Variants in EDIL3 observed in about 807,000 individuals in gnomAD.
The protein encoded by EDIL3 is EGF like and discoidin domains 3, also known as EGF-like repeat and discoidin I-like domain-containing protein 3.
Under a neutral mutation model 67.4 loss-of-function variants are expected in EDIL3, and 37 were observed. The observed-to-expected ratio is 0.55, with a 90% CI of 0.42 to 0.72. The LOEUF (loss-of-function observed/expected upper bound fraction) is 0.72, where lower values mean the gene tolerates loss of function less well. Among genes scored for constraint, EDIL3 ranks in the 30% least tolerant of loss-of-function variants. The pLI is 0.00. For missense variants in EDIL3, 527 were observed against 586.3 expected (o/e 0.90, Z 1.04); for synonymous variants, 195 against 196.3 (o/e 0.99, Z 0.05).
intron 5 of EDIL3, among the ~76,000 whole-genome samples, chr5:84,132,170 G>A (rs888261286): frequency 6.7e-6 from 1 of 148,706 alleles, no homozygotes; most frequent in Admixed American, 6.9e-5. Flanking sequence ...GGGAGGTGGA[G>A]GTTGCAGCCA....
chr5:84,092,621 A>G (rs908990882), intron 6 of EDIL3, among the ~76,000 whole-genome samples: 2 of 152,190 alleles, frequency 1.3e-5, no homozygotes, highest in African/African-American at 2.4e-5. Flanking sequence ...CATAAGCTAT[A>G]AATATACTAG....
chr5:84,365,900 C>T (rs1747722886), intron 1 of EDIL3, among the ~76,000 whole-genome samples: 3 of 152,048 alleles, frequency 2.0e-5, no homozygotes, highest in Admixed American at 2.0e-4. Context: ...TACAACAGCT[C>T]TATTAGATTG....
chr5:84,095,319 G>C (rs1747243250), intron 6 of EDIL3, among the ~76,000 whole-genome samples: 1 of 152,166 alleles, frequency 6.6e-6, no homozygotes. Flanking sequence ...TGGGGTAACA[G>C]GCAGAGGTTG....
intron 1 of EDIL3, among the ~76,000 whole-genome samples, chr5:84,282,074 T>C (rs1026871770): frequency 1.3e-5 from 2 of 151,584 alleles, no homozygotes; most frequent in Admixed American, 6.6e-5. Flanking sequence ...GGTTTCACCA[T>C]GTTGGCCAGG....
chr5:84,161,731 A>G (rs1226474970), intron 4 of EDIL3, among the ~76,000 whole-genome samples: 1 of 152,094 alleles, frequency 6.6e-6, no homozygotes, highest in Non-Finnish European at 1.5e-5. Context: ...GCTTAGGCCT[A>G]CCTGGGAAAA....
intron 6 of EDIL3, chr5:84,078,644 T>G (rs1013244526): frequency 2.6e-5 from 4 of 152,154 alleles, no homozygotes; most frequent in Non-Finnish European, 5.9e-5. Context: ...CTGATGATAA[T>G]AATGTGCCTT....
chr5:84,246,007 A>G (rs575320161), intron 2 of EDIL3, among the ~76,000 whole-genome samples: 1 of 152,244 alleles, frequency 6.6e-6, no homozygotes, highest in Admixed American at 6.5e-5. Flanking sequence ...GCTAAAGCCA[A>G]TGTGATTAGG....
chr5:84,142,826 C>T (rs142180096), intron 4 of EDIL3, among the ~76,000 whole-genome samples: 3 of 147,092 alleles, frequency 2.0e-5, no homozygotes, highest in Non-Finnish European at 4.5e-5. Context: ...GGTGCCCCCC[C>T]CCCCAAGCTT....
At chr5:83,954,212 ACAAT>A (rs1259018393) in intron 10 of EDIL3, among the ~76,000 whole-genome samples, 1 of 151,738 alleles carries the variant, frequency 6.6e-6, no homozygotes, top group Non-Finnish European at 1.5e-5. Flanking sequence ...CATATAATAA[ACAAT>A]CAAAATATTA....
At chr5:84,324,165 G>C (rs749370127) in intron 1 of EDIL3, among the ~76,000 whole-genome samples, 25 of 151,804 alleles carry the variant, frequency 1.6e-4, no homozygotes, top group Admixed American at 7.2e-4. Flanking sequence ...CATATGCTAA[G>C]ACAAAAATCA....
At chr5:84,064,237 TC>T (rs1746593236) in intron 8 of EDIL3, among the ~76,000 whole-genome samples, 1 of 151,318 alleles carries the variant, frequency 6.6e-6, no homozygotes, top group Non-Finnish European at 1.5e-5. Flanking sequence ...AAAAAAAAGT[TC>T]TTATGGTAGA....
intron 3 of EDIL3, among the ~76,000 whole-genome samples, chr5:84,189,234 C>A (rs933513389): frequency 5.3e-5 from 8 of 151,802 alleles, no homozygotes; most frequent in African/African-American, 1.9e-4. Flanking sequence ...AGGTAGAATC[C>A]AGAATTGGGT....
intron 3 of EDIL3, among the ~76,000 whole-genome samples, chr5:84,227,833 T>C (rs1030034853): frequency 6.6e-6 from 1 of 152,044 alleles, no homozygotes; most frequent in Non-Finnish European, 1.5e-5. Flanking sequence ...GAATACTAAA[T>C]ACTACACATT....
intron 1 of EDIL3, among the ~76,000 whole-genome samples, chr5:84,295,619 C>G (rs1282777775): frequency 6.6e-6 from 1 of 151,896 alleles, no homozygotes; most frequent in African/African-American, 2.4e-5. Context: ...TCAAAAATAG[C>G]AGAGTAATAA....
At chr5:84,103,692 G>A (rs984231230) in intron 6 of EDIL3, among the ~76,000 whole-genome samples, 37 of 151,974 alleles carry the variant, frequency 2.4e-4, no homozygotes, top group Admixed American at 1.8e-3. Flanking sequence ...AGTCAGAATG[G>A]CTATTACTAA....
intron 4 of EDIL3, among the ~76,000 whole-genome samples, chr5:84,171,014 C>G (rs537197897): frequency 1.3e-5 from 2 of 152,084 alleles, no homozygotes; most frequent in African/African-American, 4.8e-5. Flanking sequence ...AGTCTGGTCT[C>G]GAACTCCTGG....
intron 1 of EDIL3, among the ~76,000 whole-genome samples, chr5:84,333,960 C>T (rs1008572840): frequency 1.3e-5 from 2 of 152,044 alleles, no homozygotes; most frequent in African/African-American, 4.8e-5. Flanking sequence ...ATATGTCTTC[C>T]TGTCCAGAAG....
chr5:83,978,323 C>A (rs1339452597), intron 9 of EDIL3, among the ~76,000 whole-genome samples: 12 of 151,848 alleles, frequency 7.9e-5, no homozygotes, highest in Non-Finnish European at 1.5e-4. Context: ...TAATAAAAAA[C>A]AATTTTAACA....
At chr5:84,106,506 T>C (rs1346582445) in intron 6 of EDIL3, 143 bp downstream of exon 6, 8 of 964,602 alleles carry the variant, frequency 8.3e-6, no homozygotes, top group Non-Finnish European at 1.1e-5. Flanking sequence ...AATTGGGAGC[T>C]AATTTGAACT....
Sources: allele counts gnomAD v4.1 joint callset (sites outside exome capture counted in the v4.1 genomes callset), GRCh38; gene constraint gnomAD v4.1.1; transcripts MANE v1.5; gene names NCBI Gene and HGNC (gene_info 2026-07-23, HGNC 2026-07-21).